The following LSAMP variants were observed in gnomAD, a reference collection of about 807,000 sequenced individuals.
LSAMP encodes limbic system associated membrane protein.
In LSAMP, 7 loss-of-function variants were observed where a neutral mutation model predicts 38.6. The observed-to-expected ratio is 0.18, with a 90% CI of 0.10 to 0.34. The LOEUF (loss-of-function observed/expected upper bound fraction) is 0.34, where lower values mean the gene tolerates loss of function less well. LSAMP is among the 10% of genes least tolerant of loss of function. LSAMP has a pLI of 1.00. For synonymous variants in LSAMP, 154 were observed against 166.8 expected (o/e 0.92, Z 0.59); for missense variants, 313 against 420.0 (o/e 0.75, Z 2.23).
intron 1 of LSAMP, among the ~76,000 whole-genome samples, chr3:116,431,385 C>T (rs4831097): frequency 0.18 from 26,867 of 151,978 alleles, 2,594 homozygotes; most frequent in Middle Eastern, 0.29. Context: ...CCAGGGAACA[C>T]ATGTTGGCTT....
intron 6 of LSAMP, chr3:115,837,867 G>A (rs560187689): frequency 4.6e-5 from 7 of 152,370 alleles, no homozygotes; most frequent in African/African-American, 1.7e-4. Context: ...CAAGTACATA[G>A]TACGGTTGTT....
rs1365951528 is a variant in LSAMP at position 116,444,870 on chromosome 3, G to GC, written c.155+6dup. On this transcript the variant is annotated splice_region_variant and intron_variant, in intron 1 of 6. Transcript: ENST00000490035. ...CGCGCAGCAGAAAAGTTGCCCGAAA[G>GC]CCCTACCTGAGGATGGCTGTGTCCC... 6.2e-7 allele frequency: 1 copy of GC among 1,613,624 alleles called. No individual in the cohort carries two copies. Among genetic ancestry groups the GC allele is most frequent in the Admixed American group, 1.7e-5 (1 of 59,972 alleles).
intron 1 of LSAMP, among the ~76,000 whole-genome samples, chr3:116,115,670 CAAAA>C (rs1559748866): frequency 6.6e-6 from 1 of 151,232 alleles, no homozygotes; most frequent in East Asian, 1.9e-4. Context: ...AGGCAAAAAA[CAAAA>C]AACAAAACAA....
At chr3:116,191,027 G>A (rs1286268985) in intron 1 of LSAMP, among the ~76,000 whole-genome samples, 3 of 152,132 alleles carry the variant, frequency 2.0e-5, no homozygotes, top group African/African-American at 7.2e-5. Context: ...TTGTCACACT[G>A]TAGTTTGTGT....
chr3:115,999,981 G>C (rs1427834335), intron 3 of LSAMP, among the ~76,000 whole-genome samples: 1 of 152,120 alleles, frequency 6.6e-6, no homozygotes, highest in Non-Finnish European at 1.5e-5. Context: ...AGTGATGCAG[G>C]GGTATGTGTG....
chr3:116,045,033 C>T (rs1040111595), intron 2 of LSAMP, among the ~76,000 whole-genome samples: 2 of 152,160 alleles, frequency 1.3e-5, no homozygotes, highest in African/African-American at 4.8e-5. Context: ...AGGATCATTC[C>T]ATATACATGG....
chr3:116,338,519 G>A (rs2047951081), intron 1 of LSAMP, among the ~76,000 whole-genome samples: 1 of 152,044 alleles, frequency 6.6e-6, no homozygotes, highest in African/African-American at 2.4e-5. Flanking sequence ...CTGAAAACCA[G>A]ATAGGCAGGT....
chr3:116,304,936 C>T (rs556526744), intron 1 of LSAMP, among the ~76,000 whole-genome samples: 1 of 151,980 alleles, frequency 6.6e-6, no homozygotes, highest in Non-Finnish European at 1.5e-5. Context: ...AAGAAAAGGA[C>T]GAAAGTCAGA....
chr3:116,293,381 T>C (rs1367845541), intron 1 of LSAMP, among the ~76,000 whole-genome samples: 2 of 152,186 alleles, frequency 1.3e-5, no homozygotes, highest in Non-Finnish European at 2.9e-5. Flanking sequence ...AATAATAATG[T>C]TTTATTTTCT....
intron 1 of LSAMP, among the ~76,000 whole-genome samples, chr3:116,185,030 C>CTTTT (rs368314567): frequency 2.7e-4 from 32 of 117,704 alleles, no homozygotes; most frequent in African/African-American, 5.1e-4. Flanking sequence ...TTCTTTCTTT[C>CTTTT]TTTTTTTTTT....
intron 1 of LSAMP, among the ~76,000 whole-genome samples, chr3:116,370,475 A>G (rs2048415777): frequency 1.3e-5 from 2 of 152,168 alleles, no homozygotes; most frequent in Non-Finnish European, 2.9e-5. Context: ...TGAAGAGTAA[A>G]TGGTGACTAA....
chr3:115,929,225 A>G (rs1937541858), intron 3 of LSAMP, among the ~76,000 whole-genome samples: 1 of 152,106 alleles, frequency 6.6e-6, no homozygotes, highest in South Asian at 2.1e-4. Context: ...CAAATAAGAA[A>G]ACAAAATAAA....
chr3:116,337,202 G>C (rs2047931264), intron 1 of LSAMP, among the ~76,000 whole-genome samples: 1 of 151,854 alleles, frequency 6.6e-6, no homozygotes, highest in Admixed American at 6.6e-5. Flanking sequence ...ATTGAGTATT[G>C]AGTTTCAGTT....
intron 1 of LSAMP, among the ~76,000 whole-genome samples, chr3:116,176,135 C>A (rs1710332603): frequency 6.6e-6 from 1 of 152,096 alleles, no homozygotes; most frequent in African/African-American, 2.4e-5. Context: ...TCATTATCCT[C>A]ACTCATAGAG....
At chr3:116,124,182 C>T (rs765639961) in intron 1 of LSAMP, among the ~76,000 whole-genome samples, 70 of 152,132 alleles carry the variant, frequency 4.6e-4, no homozygotes, top group Non-Finnish European at 8.7e-4. Flanking sequence ...GTATAGAGTT[C>T]CTGAGGTACT....
intron 6 of LSAMP, chr3:115,834,721 T>C: frequency 6.0e-6 from 2 of 335,178 alleles, no homozygotes; most frequent in South Asian, 8.0e-5. Flanking sequence ...GGATCATATC[T>C]CTCATAAAAC....
intron 1 of LSAMP, among the ~76,000 whole-genome samples, chr3:116,432,761 A>C (rs140774989): frequency 6.6e-6 from 1 of 152,214 alleles, no homozygotes; most frequent in Non-Finnish European, 1.5e-5. Flanking sequence ...GCAGAACTAA[A>C]GGCTAAATTT....
chr3:116,371,257 C>T (rs1429938494), intron 1 of LSAMP, among the ~76,000 whole-genome samples: 1 of 152,158 alleles, frequency 6.6e-6, no homozygotes, highest in Non-Finnish European at 1.5e-5. Context: ...AAAAAAACTA[C>T]AGACCGATAT....
intron 6 of LSAMP, among the ~76,000 whole-genome samples, chr3:115,835,322 T>G (rs933726119): frequency 1.6e-4 from 25 of 152,176 alleles, no homozygotes; most frequent in Non-Finnish European, 3.5e-4. Context: ...ACTGAGGTCT[T>G]AGCTTAAAAG....
Sources: allele counts gnomAD v4.1 joint callset (sites outside exome capture counted in the v4.1 genomes callset), GRCh38; gene constraint gnomAD v4.1.1; transcripts MANE v1.5; gene names NCBI Gene and HGNC (gene_info 2026-07-23, HGNC 2026-07-21).